Variants in ATP9A observed in about 807,000 individuals in gnomAD.
ATP9A encodes the protein probable phospholipid-transporting ATPase IIA.
Under a neutral mutation model 144.1 loss-of-function variants are expected in ATP9A, and 52 were observed. That is an observed-to-expected ratio of 0.36 (90% CI 0.29 to 0.45). ATP9A has a LOEUF of 0.45. Ranked by LOEUF, ATP9A falls within the 20% of genes least tolerant of loss-of-function variation. ATP9A has a pLI of 1.00. For missense variants in ATP9A, 947 were observed against 1,392.7 expected, an observed-to-expected ratio of 0.68 and a Z score of 5.09; for synonymous variants, 582 against 557.4, an observed-to-expected ratio of 1.04 and a Z score of -0.62.
chr20:51,760,725 CAAAAA>C (rs397864467), intron 1 of ATP9A, among the ~76,000 whole-genome samples: 1 of 105,466 alleles, frequency 9.5e-6, no homozygotes, highest in Non-Finnish European at 1.9e-5. Context: ...GACTCCGTCT[CAAAAA>C]AAAAAAAAAA....
At chr20:51,703,012 G>C in intron 4 of ATP9A, among the ~76,000 whole-genome samples, 1 of 151,670 alleles carries the variant, frequency 6.6e-6, no homozygotes, top group East Asian at 1.9e-4. Flanking sequence ...TTTTGTTTTG[G>C]TCTCATCTTC....
At chr20:51,642,583 G>A (rs553020692) in intron 14 of ATP9A, among the ~76,000 whole-genome samples, 14 of 151,922 alleles carry the variant, frequency 9.2e-5, no homozygotes, top group South Asian at 8.3e-4. Flanking sequence ...CATTGCTGCG[G>A]AGGCTCTAGG....
intron 9 of ATP9A, among the ~76,000 whole-genome samples, chr20:51,685,844 G>C (rs1171953122): frequency 2.0e-5 from 3 of 152,124 alleles, no homozygotes; most frequent in Non-Finnish European, 4.4e-5. Flanking sequence ...AATACCATTT[G>C]ACCCAGCCAT....
chr20:51,612,934 C>A (rs1327315907), intron 23 of ATP9A, among the ~76,000 whole-genome samples: 1 of 152,178 alleles, frequency 6.6e-6, no homozygotes, highest in Non-Finnish European at 1.5e-5. Context: ...GTCATGCTGA[C>A]CCCTGCAAGT....
chr20:51,653,718 T>C (rs1311313148), intron 14 of ATP9A, among the ~76,000 whole-genome samples: 1 of 150,906 alleles, frequency 6.6e-6, no homozygotes, highest in African/African-American at 2.4e-5. Flanking sequence ...ACCCGGAAGG[T>C]GGAGGTTGCA....
At chr20:51,684,246 C>T (rs993781589) in intron 9 of ATP9A, among the ~76,000 whole-genome samples, 7 of 152,090 alleles carry the variant, frequency 4.6e-5, no homozygotes, top group Admixed American at 2.6e-4. Context: ...TTCCAAAAAA[C>T]AAATGAGACC....
At chr20:51,756,273 CTGTCTT>C (rs2077855599) in intron 1 of ATP9A, among the ~76,000 whole-genome samples, 1 of 61,410 alleles carries the variant, frequency 1.6e-5, no homozygotes, top group African/African-American at 3.8e-5. Context: ...TCTGGTGTCT[CTGTCTT>C]TTTTTTTTTT....
At chr20:51,734,311 T>C (rs1018911078) in intron 1 of ATP9A, among the ~76,000 whole-genome samples, 3 of 152,236 alleles carry the variant, frequency 2.0e-5, no homozygotes, top group African/African-American at 7.2e-5. Flanking sequence ...AGGGAATTCA[T>C]GAGGATTCTG....
intron 27 of ATP9A, among the ~76,000 whole-genome samples, chr20:51,603,900 C>T (rs140619123): frequency 0.019 from 2,855 of 152,266 alleles, 38 homozygotes; most frequent in Non-Finnish European, 0.027. Flanking sequence ...TCTGCCTCAG[C>T]CACCCAAGTA....
intron 1 of ATP9A, among the ~76,000 whole-genome samples, chr20:51,743,565 A>G (rs1266819716): frequency 6.7e-6 from 1 of 149,912 alleles, no homozygotes; most frequent in African/African-American, 2.4e-5. Context: ...ACGCCAGGCT[A>G]ATTTTTGTAT....
chr20:51,741,761 A>C (rs1483483784), intron 1 of ATP9A, among the ~76,000 whole-genome samples: 1 of 152,124 alleles, frequency 6.6e-6, no homozygotes, highest in Non-Finnish European at 1.5e-5. Context: ...AGTGGTTCTC[A>C]ACTACAGGCA....
At chr20:51,642,358 T>C (rs957078228) in intron 14 of ATP9A, among the ~76,000 whole-genome samples, 1 of 152,072 alleles carries the variant, frequency 6.6e-6, no homozygotes, top group Non-Finnish European at 1.5e-5. Context: ...TTTCACCATG[T>C]TGGCCAAATT....
In ATP9A at chr20:51,657,108, T is replaced by G. The variant is rs1454391125; in HGVS notation, c.1336A>C (p.Thr446Pro). The change falls in exon 14 of 28, where the codon ACT becomes CCT. Residue 446 changes from threonine to proline, a missense_variant. Physicochemically the swap from Thr to Pro is conservative, Grantham distance 38. Coordinates refer to ENST00000338821, the MANE Select transcript of ATP9A (RefSeq NM_006045.3). ...PPAQKGPTLTTKVRRTMSSRV... is the reference protein window; with the variant it reads ...PPAQKGPTLTPKVRRTMSSRV... ...CTGCTCATGGTCCGCCGGACCTTAGTGGTGAGCGTTGGGCCCTTCTGAGCC... is the reference window on the plus strand; with the variant it reads ...CTGCTCATGGTCCGCCGGACCTTAGGGGTGAGCGTTGGGCCCTTCTGAGCC... 2 of 1,613,934 alleles carry G rather than the reference T, an allele frequency of 1.2e-6. No individual in the cohort carries two copies. Among genetic ancestry groups the G allele is most frequent in the Non-Finnish European group, 1.7e-6 (2 of 1,180,024 alleles).
chr20:51,677,223 C>T (rs1480596123), intron 9 of ATP9A, among the ~76,000 whole-genome samples: 1 of 152,108 alleles, frequency 6.6e-6, no homozygotes, highest in Non-Finnish European at 1.5e-5. Flanking sequence ...CATGAGCCAC[C>T]TCGCCCAACC....
intron 1 of ATP9A, among the ~76,000 whole-genome samples, chr20:51,759,153 A>G (rs2077868543): frequency 6.6e-6 from 1 of 152,222 alleles, no homozygotes; most frequent in Non-Finnish European, 1.5e-5. Context: ...CAGAGGACAG[A>G]GAGCACAGCC....
At chr20:51,763,691 A>G (rs1048791023) in intron 1 of ATP9A, among the ~76,000 whole-genome samples, 2 of 152,204 alleles carry the variant, frequency 1.3e-5, no homozygotes, top group African/African-American at 2.4e-5. Context: ...GGTAGACAAC[A>G]TATCTATTCA....
At chr20:51,603,645 C>G (rs1371061262) in intron 27 of ATP9A, among the ~76,000 whole-genome samples, 5 of 152,112 alleles carry the variant, frequency 3.3e-5, no homozygotes, top group African/African-American at 1.2e-4. Context: ...CATCTAGAGA[C>G]AGTGGCTGAC....
intron 1 of ATP9A, among the ~76,000 whole-genome samples, chr20:51,765,463 T>C (rs2122927112): frequency 6.6e-6 from 1 of 151,846 alleles, no homozygotes; most frequent in South Asian, 2.1e-4. Context: ...GAGACCAGCC[T>C]GACCAACATG....
intron 2 of ATP9A, among the ~76,000 whole-genome samples, chr20:51,728,441 A>G (rs185388068): frequency 8.4e-4 from 128 of 152,186 alleles, no homozygotes; most frequent in African/African-American, 2.9e-3. Context: ...AGCCTGGCCA[A>G]CATGGTGAAA....
Sources: gnomAD v4.1 joint callset for allele counts (sites outside exome capture counted in the v4.1 genomes callset) on GRCh38, gnomAD v4.1.1 for gene constraint, MANE v1.5 for transcripts, NCBI Gene and HGNC (gene_info 2026-07-23, HGNC 2026-07-21) for gene names.